GRIK4: variants seen among roughly 807,000 people sequenced by gnomAD.
GRIK4 encodes the protein glutamate ionotropic receptor kainate type subunit 4.
In GRIK4, 40 loss-of-function variants were observed where a neutral mutation model predicts 104.9. That is an observed-to-expected ratio of 0.38 (90% CI 0.30 to 0.50). The LOEUF is 0.50. GRIK4 is among the 20% of genes least tolerant of loss of function. GRIK4 has a pLI of 0.93. For synonymous variants in GRIK4, 485 were observed against 524.9 expected, an observed-to-expected ratio of 0.92 and a Z score of 1.04; for missense variants, 1,047 against 1,308.1, an observed-to-expected ratio of 0.80 and a Z score of 3.08.
chr11:120,615,499 C>T (rs1427266651), intron 1 of GRIK4, among the ~76,000 whole-genome samples: 1 of 152,226 alleles, frequency 6.6e-6, no homozygotes, highest in African/African-American at 2.4e-5. Context: ...AGCCCCTCAC[C>T]CTTTGATGAA....
chr11:120,816,417 C>A (rs77004360), intron 5 of GRIK4, among the ~76,000 whole-genome samples: 1 of 151,816 alleles, frequency 6.6e-6, no homozygotes, highest in African/African-American at 2.4e-5. Flanking sequence ...GGGGCGGGGG[C>A]AGGGACATGG....
chr11:120,533,776 G>A (rs915192131), intron 1 of GRIK4, among the ~76,000 whole-genome samples: 6 of 152,212 alleles, frequency 3.9e-5, no homozygotes, highest in Non-Finnish European at 8.8e-5. Flanking sequence ...TACTTGGGAG[G>A]CTAAGGCAGA....
intron 3 of GRIK4, among the ~76,000 whole-genome samples, chr11:120,744,719 A>G (rs911715082): frequency 6.6e-6 from 1 of 152,250 alleles, no homozygotes; most frequent in African/African-American, 2.4e-5. Context: ...TGTGGAAGTT[A>G]GTGCTGGAAA....
intron 3 of GRIK4, among the ~76,000 whole-genome samples, chr11:120,711,402 C>T (rs1397324637): frequency 6.6e-6 from 1 of 152,166 alleles, no homozygotes; most frequent in East Asian, 1.9e-4. Context: ...CCTGCCTCTG[C>T]CACAGCCCAA....
intron 1 of GRIK4, among the ~76,000 whole-genome samples, chr11:120,564,115 G>C (rs1476450844): frequency 2.0e-5 from 3 of 152,196 alleles, no homozygotes; most frequent in South Asian, 2.1e-4. Context: ...GGAAGGGCCC[G>C]GGCGCGCAGG....
intron 3 of GRIK4, among the ~76,000 whole-genome samples, chr11:120,688,184 C>G (rs1442516654): frequency 6.6e-6 from 1 of 152,176 alleles, no homozygotes; most frequent in African/African-American, 2.4e-5. Context: ...ACTTTCCCCC[C>G]TCAGTAACTG....
intron 4 of GRIK4, among the ~76,000 whole-genome samples, chr11:120,811,331 G>A (rs1240641439): frequency 6.6e-6 from 1 of 152,180 alleles, no homozygotes; most frequent in African/African-American, 2.4e-5. Flanking sequence ...TGTTCCAGTG[G>A]CCAAGGCAAT....
chr11:120,644,999 G>A (rs1235601234), intron 1 of GRIK4, among the ~76,000 whole-genome samples: 3 of 152,208 alleles, frequency 2.0e-5, no homozygotes, highest in Non-Finnish European at 4.4e-5. Flanking sequence ...GAGGATGCAT[G>A]TATGTATGTG....
chr11:120,955,118 G>A (rs1944112082), intron 15 of GRIK4, among the ~76,000 whole-genome samples: 1 of 152,230 alleles, frequency 6.6e-6, no homozygotes, highest in Non-Finnish European at 1.5e-5. Context: ...GTCCTGTAGG[G>A]AGCTTTTAGA....
intron 1 of GRIK4, among the ~76,000 whole-genome samples, chr11:120,592,937 C>A (rs1948752394): frequency 6.6e-6 from 1 of 152,178 alleles, no homozygotes; most frequent in African/African-American, 2.4e-5. Context: ...AATCCCAGCA[C>A]TTTGGGAGGC....
intron 8 of GRIK4, among the ~76,000 whole-genome samples, chr11:120,839,102 G>A (rs1202026286): frequency 6.6e-6 from 1 of 152,130 alleles, no homozygotes; most frequent in African/African-American, 2.4e-5. Context: ...TGGTGTTTTG[G>A]GCCATAGAGG....
chr11:120,531,688 G>T (rs1947925604), intron 1 of GRIK4, among the ~76,000 whole-genome samples: 1 of 151,828 alleles, frequency 6.6e-6, no homozygotes, highest in South Asian at 2.1e-4. Context: ...CAATTCTCTT[G>T]CCTCAGCCTC....
intron 3 of GRIK4, among the ~76,000 whole-genome samples, chr11:120,666,197 C>G (rs549763271): frequency 2.0e-5 from 3 of 152,298 alleles, no homozygotes; most frequent in African/African-American, 4.8e-5. Flanking sequence ...TCACTTTCCC[C>G]GGTGACCTGC....
chr11:120,938,944 T>G (rs1943658365), intron 13 of GRIK4, among the ~76,000 whole-genome samples: 1 of 152,184 alleles, frequency 6.6e-6, no homozygotes, highest in African/African-American at 2.4e-5. Context: ...CAGGTGATTC[T>G]GAGGTAGGTG....
intron 3 of GRIK4, among the ~76,000 whole-genome samples, chr11:120,764,535 G>A (rs1432409706): frequency 6.6e-6 from 1 of 151,980 alleles, no homozygotes; most frequent in Non-Finnish European, 1.5e-5. Context: ...TTTCTTCATA[G>A]TGTTGATGGG....
chr11:120,855,704 G>C (rs867287362), intron 8 of GRIK4, among the ~76,000 whole-genome samples: 1 of 152,010 alleles, frequency 6.6e-6, no homozygotes. Flanking sequence ...ACTACAGGCA[G>C]ATGCCACACA....
chr11:120,697,733 A>G (rs1950476513), intron 3 of GRIK4, among the ~76,000 whole-genome samples: 1 of 152,160 alleles, frequency 6.6e-6, no homozygotes, highest in Non-Finnish European at 1.5e-5. Context: ...TGAAGGCATG[A>G]TCCGGGTGTG....
chr11:120,597,036 T>G (rs1271606610), intron 1 of GRIK4, among the ~76,000 whole-genome samples: 1 of 152,218 alleles, frequency 6.6e-6, no homozygotes, highest in Non-Finnish European at 1.5e-5. Context: ...AGATTTGTGT[T>G]CCATCCAGTT....
intron 1 of GRIK4, among the ~76,000 whole-genome samples, chr11:120,544,097 G>A (rs1219960874): frequency 6.6e-6 from 1 of 152,206 alleles, no homozygotes; most frequent in Non-Finnish European, 1.5e-5. Context: ...TCTATACTTA[G>A]AATTTGCAGA....
Sources: gnomAD v4.1 joint callset for allele counts (sites outside exome capture counted in the v4.1 genomes callset) on GRCh38, gnomAD v4.1.1 for gene constraint, MANE v1.5 for transcripts, NCBI Gene and HGNC (gene_info 2026-07-23, HGNC 2026-07-21) for gene names.